The following THSD7A variants were observed in gnomAD, a reference collection of about 807,000 sequenced individuals.
THSD7A encodes the protein thrombospondin type-1 domain-containing protein 7A.
THSD7A carries 96 observed loss-of-function variants against 231.3 expected under a neutral mutation model. The ratio of observed to expected loss-of-function variants is 0.41; its 90% confidence interval spans 0.35 to 0.49. THSD7A has a LOEUF of 0.49. THSD7A is among the 20% of genes least tolerant of loss of function. The probability of loss-of-function intolerance (pLI) is 0.05; values close to 1 mark genes in which losing one functional copy is unlikely to be tolerated. For synonymous variants in THSD7A, 940 were observed against 743.3 expected (o/e 1.26, Z -4.30); for missense variants, 2,290 against 2,070.2 (o/e 1.11, Z -2.06).
chr7:11,395,274 A>T (rs767035539), intron 23 of THSD7A, among the ~76,000 whole-genome samples: 2 of 152,212 alleles, frequency 1.3e-5, no homozygotes, highest in Non-Finnish European at 2.9e-5. Flanking sequence ...ACAGCTAACT[A>T]TCCCAAATAT....
At chr7:11,416,468 A>C (rs78208269) in intron 17 of THSD7A, among the ~76,000 whole-genome samples, 1 of 152,240 alleles carries the variant, frequency 6.6e-6, no homozygotes, top group Non-Finnish European at 1.5e-5. Flanking sequence ...TAGAACAGAA[A>C]ATCAATTGTA....
intron 6 of THSD7A, among the ~76,000 whole-genome samples, chr7:11,487,148 G>C (rs1176364935): frequency 1.3e-5 from 2 of 152,030 alleles, no homozygotes; most frequent in South Asian, 2.1e-4. Flanking sequence ...ACGTTCCCTT[G>C]TTTGGTCTAT....
Position 11,761,100 on chromosome 7 carries a change from C to A in THSD7A, c.190+70657G>T, listed in dbSNP as rs573123318. Among the ~76,000 whole-genome samples the A allele has an allele frequency of 3.2e-4, 49 of 151,480 alleles. No homozygotes were observed. In the South Asian group the frequency reaches 1.0e-2, roughly 31 times the overall value. On this transcript the variant is annotated intron_variant, in intron 1 of 27. Transcript: ENST00000423059. ...CAAACAAAAAATTTTTAGAACAGCC[C>A]GAAGATTAACTGCTGTTTCTAAAAC...
intron 1 of THSD7A, among the ~76,000 whole-genome samples, chr7:11,729,748 A>C (rs1781665048): frequency 6.6e-6 from 1 of 151,752 alleles, no homozygotes. Flanking sequence ...TTAGCAGGTG[A>C]TACGGAAATA....
At chr7:11,494,705 C>A (rs1009445872) in intron 6 of THSD7A, among the ~76,000 whole-genome samples, 7 of 151,938 alleles carry the variant, frequency 4.6e-5, no homozygotes, top group African/African-American at 1.7e-4. Flanking sequence ...TATTTAGTGA[C>A]AAAGGCAGGA....
chr7:11,441,808 C>T (rs1159281968), intron 13 of THSD7A, among the ~76,000 whole-genome samples: 1 of 151,612 alleles, frequency 6.6e-6, no homozygotes, highest in East Asian at 2.0e-4. Flanking sequence ...GGGAGGGGAA[C>T]ATCACACACT....
intron 23 of THSD7A, among the ~76,000 whole-genome samples, chr7:11,386,648 C>T (rs113504896): frequency 0.018 from 2,704 of 152,268 alleles, 90 homozygotes; most frequent in African/African-American, 0.062. Flanking sequence ...ATTTTTCTCC[C>T]AATCGGCAGG....
chr7:11,540,856 C>T (rs970959236), intron 6 of THSD7A, among the ~76,000 whole-genome samples: 1 of 152,310 alleles, frequency 6.6e-6, no homozygotes, highest in Non-Finnish European at 1.5e-5. Context: ...TATCCAGTGG[C>T]TCTAGGACAT....
intron 1 of THSD7A, among the ~76,000 whole-genome samples, chr7:11,684,726 G>A (rs1465051523): frequency 6.6e-6 from 1 of 151,624 alleles, no homozygotes; most frequent in African/African-American, 2.4e-5. Flanking sequence ...GAAACAAATA[G>A]ATGACATAAA....
chr7:11,704,453 A>G (rs77982610), intron 1 of THSD7A, among the ~76,000 whole-genome samples: 1,755 of 150,954 alleles, frequency 0.012, 29 homozygotes, highest in African/African-American at 0.04. Flanking sequence ...TACAGGTGGA[A>G]TACCATCTTA....
chr7:11,656,556 T>C (rs1341089580), intron 1 of THSD7A, among the ~76,000 whole-genome samples: 1 of 152,004 alleles, frequency 6.6e-6, no homozygotes, highest in East Asian at 1.9e-4. Context: ...ACACCTTGAC[T>C]CTAGGCATTA....
chr7:11,407,204 C>G, intron 20 of THSD7A, 102 bp downstream of exon 20: 2 of 1,439,070 alleles, frequency 1.4e-6, no homozygotes, highest in Non-Finnish European at 1.9e-6. Context: ...GACAACCAAT[C>G]CAACCTTTCT....
intron 1 of THSD7A, among the ~76,000 whole-genome samples, chr7:11,734,945 T>C (rs1039210811): frequency 6.6e-6 from 1 of 151,996 alleles, no homozygotes; most frequent in Non-Finnish European, 1.5e-5. Flanking sequence ...GATTTGATTA[T>C]ATTATTTTTA....
At chr7:11,591,368 C>CAA (rs1780157967) in intron 3 of THSD7A, among the ~76,000 whole-genome samples, 1 of 151,948 alleles carries the variant, frequency 6.6e-6, no homozygotes, top group African/African-American at 2.4e-5. Flanking sequence ...TTTCTCGATG[C>CAA]CACCGAAGAC....
chr7:11,379,656 T>C lies in THSD7A; in HGVS notation c.4564A>G (p.Ser1522Gly), dbSNP rs368900300. 1,153 of 1,590,972 alleles carry C rather than the reference T, an allele frequency of 7.2e-4. 18 individuals are homozygous for C. The South Asian group carries it at 9.8e-3, about 14-fold the overall frequency. Residue 1522 changes from serine to glycine, a missense_variant, in exon 25 of 28, where the codon AGT (serine) becomes GGT (glycine). Transcript: ENST00000423059. ...DADRSCNPPC[S>G]QPHSYCSETK... ...TCGCTACAGTACGAGTGGGGTTGAC[T>C]ACACGGTGGGTTACAAGACCTGTCG... is the stretch of plus-strand genomic sequence containing the variant.
At chr7:11,400,831 A>G (rs1329165325) in intron 23 of THSD7A, among the ~76,000 whole-genome samples, 2 of 152,140 alleles carry the variant, frequency 1.3e-5, no homozygotes, top group Admixed American at 6.5e-5. Context: ...CTACTATGTC[A>G]TATTACTTAT....
chr7:11,764,231 C>A (rs903709634), intron 1 of THSD7A, among the ~76,000 whole-genome samples: 11 of 152,172 alleles, frequency 7.2e-5, no homozygotes, highest in African/African-American at 2.2e-4. Context: ...CATAAAATAC[C>A]AACTGAAATT....
chr7:11,638,089 C>A (rs530321724), intron 1 of THSD7A, among the ~76,000 whole-genome samples: 1 of 152,190 alleles, frequency 6.6e-6, no homozygotes, highest in South Asian at 2.1e-4. Flanking sequence ...ACACTACTGT[C>A]GTCCTCCCTG....
intron 4 of THSD7A, among the ~76,000 whole-genome samples, chr7:11,551,436 A>G (rs1018452946): frequency 1.3e-5 from 2 of 152,170 alleles, no homozygotes; most frequent in African/African-American, 4.8e-5. Context: ...AAAATATTGC[A>G]AAGTATGCAT....
Sources: allele counts gnomAD v4.1 joint callset (sites outside exome capture counted in the v4.1 genomes callset), GRCh38; gene constraint gnomAD v4.1.1; transcripts MANE v1.5; gene names NCBI Gene and HGNC (gene_info 2026-07-23, HGNC 2026-07-21).